ATP8B1: variants seen among roughly 807,000 people sequenced by gnomAD.
The protein encoded by ATP8B1 is phospholipid-transporting ATPase IC.
In ATP8B1, 80 loss-of-function variants were observed where a neutral mutation model predicts 149.9. The ratio of observed to expected loss-of-function variants is 0.53; its 90% CI spans 0.45 to 0.64. The LOEUF (loss-of-function observed/expected upper bound fraction) is 0.64, where lower values mean the gene tolerates loss of function less well. Ranked by LOEUF, ATP8B1 falls within the 30% of genes least tolerant of loss-of-function variation. The pLI, the probability that ATP8B1 is intolerant of heterozygous loss-of-function variation, is 0.00. For missense variants in ATP8B1, 1,247 were observed against 1,552.6 expected (o/e 0.80, Z 3.31); for synonymous variants, 536 against 562.8 (o/e 0.95, Z 0.67).
intron 19 of ATP8B1, 180 bp from the exon 20 acceptor site, chr18:57,667,347 A>G (rs768745613): frequency 1.2e-5 from 7 of 586,896 alleles, no homozygotes; most frequent in Non-Finnish European, 2.1e-5. Context: ...CACCACCCGC[A>G]GCCCCCAAGT....
At chr18:57,693,183 A>G (rs76642110) in intron 11 of ATP8B1, among the ~76,000 whole-genome samples, 16,388 of 152,218 alleles carry the variant, frequency 0.11, 1,881 homozygotes, top group African/African-American at 0.29. Flanking sequence ...GCAATCAAAG[A>G]ATAAGTTTTA....
chr18:57,650,823 C>G (rs1355613864), intron 26 of ATP8B1, among the ~76,000 whole-genome samples: 1 of 151,658 alleles, frequency 6.6e-6, no homozygotes, highest in Non-Finnish European at 1.5e-5. Flanking sequence ...GGTGATAAAG[C>G]AAAACTCTGT....
intron 6 of ATP8B1, 135 bp downstream of exon 6, chr18:57,700,904 G>C (rs1259657760): frequency 1.5e-5 from 15 of 986,994 alleles, no homozygotes; most frequent in Middle Eastern, 3.1e-4. Flanking sequence ...GCGACAGAGC[G>C]AGACTCTATC....
At chr18:57,662,265 C>T (rs1224509085) in intron 21 of ATP8B1, among the ~76,000 whole-genome samples, 1 of 152,004 alleles carries the variant, frequency 6.6e-6, no homozygotes, top group African/African-American at 2.4e-5. Context: ...ATGAAAAAAC[C>T]CATTAATTAG....
chr18:57,672,225 G>A (rs181791797), intron 16 of ATP8B1, among the ~76,000 whole-genome samples: 1 of 152,204 alleles, frequency 6.6e-6, no homozygotes, highest in African/African-American at 2.4e-5. Context: ...CCAACCAACA[G>A]GTAGTTTCTC....
At chr18:57,732,845 G>A (rs1319772683) in intron 1 of ATP8B1, among the ~76,000 whole-genome samples, 10 of 152,316 alleles carry the variant, frequency 6.6e-5, no homozygotes, top group African/African-American at 1.4e-4. Flanking sequence ...TTACAGGCCC[G>A]CGCCCGGCCG....
At chr18:57,793,197 C>CCT (rs1299334241) in intron 1 of ATP8B1, among the ~76,000 whole-genome samples, 1 of 152,000 alleles carries the variant, frequency 6.6e-6, no homozygotes, top group Non-Finnish European at 1.5e-5. Flanking sequence ...ATCTTTGGCT[C>CCT]CTCTCTCTCT....
intron 1 of ATP8B1, among the ~76,000 whole-genome samples, chr18:57,797,839 TG>T (rs1568076565): frequency 6.6e-6 from 1 of 151,446 alleles, no homozygotes; most frequent in Non-Finnish European, 1.5e-5. Flanking sequence ...CCTGAGTAGC[TG>T]GGACTACGGG....
At chr18:57,787,201 A>G (rs2080418040) in intron 1 of ATP8B1, among the ~76,000 whole-genome samples, 1 of 152,240 alleles carries the variant, frequency 6.6e-6, no homozygotes, top group Admixed American at 6.5e-5. Context: ...ACAAGCAAAT[A>G]AAATGTACTT....
chr18:57,649,220 A>ATC (rs771355130), intron 27 of ATP8B1, among the ~76,000 whole-genome samples: 20 of 152,022 alleles, frequency 1.3e-4, no homozygotes, highest in Admixed American at 7.9e-4. Context: ...CTATCTATCT[A>ATC]TATCGACATA....
chr18:57,768,452 TAAG>T (rs2080236703), intron 1 of ATP8B1, among the ~76,000 whole-genome samples: 1 of 146,890 alleles, frequency 6.8e-6, no homozygotes, highest in African/African-American at 2.5e-5. Flanking sequence ...CTTAAGCTAC[TAAG>T]AAGAATCCTA....
Position 57,695,178 on chromosome 18 carries a change from A to G in ATP8B1, c.933T>C (p.Ile311=), listed in dbSNP as rs1912744922. 1 of 1,614,050 alleles carries G rather than the reference A, an allele frequency of 6.2e-7. No homozygotes were observed. ...RNTDFCHGLV[I]FAGADTKIMK... ...AAGAAACTCTGAACGTACCTGCAAA[A>G]ATGACTAAGCCGTGGCAGAAATCGG... The change falls in exon 10 of 28, where the codon ATT becomes ATC. Residue 311 remains isoleucine, a synonymous_variant. Coordinates refer to ENST00000648908, the MANE Select transcript of ATP8B1 (RefSeq NM_001374385.1).
intron 1 of ATP8B1, among the ~76,000 whole-genome samples, chr18:57,779,622 G>A (rs538283886): frequency 5.3e-5 from 8 of 152,242 alleles, no homozygotes; most frequent in Admixed American, 1.3e-4. Context: ...AAATAGGGGC[G>A]GGCATGGCGG....
chr18:57,739,324 T>A (rs2079888249), intron 1 of ATP8B1, among the ~76,000 whole-genome samples: 1 of 152,132 alleles, frequency 6.6e-6, no homozygotes, highest in South Asian at 2.1e-4. Flanking sequence ...GGTCTCAACT[T>A]CAGTGTCCTC....
intron 1 of ATP8B1, among the ~76,000 whole-genome samples, chr18:57,753,132 A>T (rs1407823182): frequency 1.3e-5 from 2 of 152,226 alleles, no homozygotes; most frequent in Non-Finnish European, 2.9e-5. Context: ...GAAAAAAAAG[A>T]TCTCTCTTGT....
intron 12 of ATP8B1, among the ~76,000 whole-genome samples, chr18:57,691,175 CAAAAA>C (rs530091842): frequency 1.7e-5 from 1 of 58,874 alleles, no homozygotes; most frequent in African/African-American, 5.0e-5. Flanking sequence ...AACTCCATCT[CAAAAA>C]AAAAAAAAAA....
chr18:57,733,445 A>G (rs968778515), intron 1 of ATP8B1, among the ~76,000 whole-genome samples: 1 of 152,100 alleles, frequency 6.6e-6, no homozygotes, highest in Non-Finnish European at 1.5e-5. Context: ...GGTGGCTCAC[A>G]CCTGTAATCC....
At position 57,648,147 on chromosome 18, in the gene ATP8B1, C is replaced by T. The variant is rs1205370011; in HGVS notation, c.*341G>A. On this transcript the variant is annotated 3_prime_UTR_variant, in exon 28 of 28. Transcript: ENST00000648908. ...GATTACGGGTGCCCACCACCAAGCC[C>T]GGCTAATTTTTAATTTATGGTAGAG... 7.3e-5 allele frequency: 29 copies of T among 399,146 alleles called. No homozygotes were observed. Among genetic ancestry groups the T allele is most frequent in the Non-Finnish European group, 1.1e-4 (23 of 210,472 alleles). 24.7% of individuals were successfully genotyped at this position (399,146 alleles called of 1,614,324 possible). A position where few individuals can be genotyped will look rare whatever the true frequency, so the allele number is the denominator to read the frequency against.
chr18:57,716,009 A>G, intron 2 of ATP8B1, among the ~76,000 whole-genome samples: 1 of 152,204 alleles, frequency 6.6e-6, no homozygotes, highest in African/African-American at 2.4e-5. Flanking sequence ...TAACTGATAA[A>G]AAATAGTGAC....
Sources: allele counts gnomAD v4.1 joint callset (sites outside exome capture counted in the v4.1 genomes callset), GRCh38; gene constraint gnomAD v4.1.1; transcripts MANE v1.5; gene names NCBI Gene and HGNC (gene_info 2026-07-23, HGNC 2026-07-21).